ARID5B: variants seen among roughly 807,000 people sequenced by gnomAD.
The protein encoded by ARID5B is AT-rich interaction domain 5B.
Under a neutral mutation model 97.2 loss-of-function variants are expected in ARID5B, and 13 were observed. That is an observed-to-expected ratio of 0.13 (90% CI 0.09 to 0.21). The LOEUF is 0.21. Among genes scored for constraint, ARID5B ranks in the 10% least tolerant of loss-of-function variants. The pLI, the probability that ARID5B is intolerant of heterozygous loss-of-function variation, is 1.00. For synonymous variants in ARID5B, 556 were observed against 570.3 expected, an observed-to-expected ratio of 0.97 and a Z score of 0.36; for missense variants, 1,210 against 1,465.3, an observed-to-expected ratio of 0.83 and a Z score of 2.84.
intron 3 of ARID5B, among the ~76,000 whole-genome samples, chr10:61,985,809 A>G (rs1838839283): frequency 6.6e-6 from 1 of 152,044 alleles, no homozygotes; most frequent in African/African-American, 2.4e-5. Flanking sequence ...AAATAATAAT[A>G]CCATTGTCTT....
At chr10:62,056,367 A>T (rs1366191794) in intron 5 of ARID5B, among the ~76,000 whole-genome samples, 1 of 152,190 alleles carries the variant, frequency 6.6e-6, no homozygotes, top group Non-Finnish European at 1.5e-5. Flanking sequence ...AGAAGCCCTC[A>T]TTAAACAGTG....
chr10:61,939,071 A>G (rs1245691834), intron 2 of ARID5B, among the ~76,000 whole-genome samples: 2 of 151,538 alleles, frequency 1.3e-5, no homozygotes, highest in African/African-American at 4.8e-5. Context: ...TTTAACAGCA[A>G]AATTAGCCAA....
At chr10:62,036,770 T>C (rs1839570523) in intron 4 of ARID5B, among the ~76,000 whole-genome samples, 1 of 152,162 alleles carries the variant, frequency 6.6e-6, no homozygotes, top group African/African-American at 2.4e-5. Flanking sequence ...GCTGATCTCA[T>C]GCAACAGAAA....
chr10:62,078,147 AT>A (rs1463449679), intron 8 of ARID5B, among the ~76,000 whole-genome samples: 1 of 152,194 alleles, frequency 6.6e-6, no homozygotes, highest in Non-Finnish European at 1.5e-5. Flanking sequence ...CTATTTTTAT[AT>A]TTTGACACTG....
intron 8 of ARID5B, among the ~76,000 whole-genome samples, chr10:62,079,029 C>G (rs1311533000): frequency 6.6e-6 from 1 of 152,102 alleles, no homozygotes; most frequent in Non-Finnish European, 1.5e-5. Flanking sequence ...GGAGGTTGAC[C>G]CTTTGTGGAA....
Position 62,086,709 on chromosome 10 carries a change from A to AAC in ARID5B, c.1398+810_1398+811insCA, listed in dbSNP as rs1840288491. On this transcript the variant is annotated intron_variant, in intron 9 of 9. Coordinates refer to ENST00000279873, the MANE Select transcript of ARID5B (RefSeq NM_032199.3). Reference sequence around the variant, plus strand: ...CCATCTCAAAAAAAAAAAAAAAAAAAAAATATCAGGCATGGTGGTGCCCCG... The same window carrying AAC: ...CCATCTCAAAAAAAAAAAAAAAAAAAACAAATATCAGGCATGGTGGTGCCCCG... Among the ~76,000 whole-genome samples the AAC allele has an allele frequency of 7.0e-5, 8 of 113,978 alleles. 1 individual carries two copies. The highest frequency in any genetic ancestry group is 9.0e-5 in the Non-Finnish European group (5 of 55,510). The allele number at this position is 113,978 out of a possible 152,430, so 74.8% of individuals were successfully genotyped here.
intron 4 of ARID5B, among the ~76,000 whole-genome samples, chr10:62,041,541 G>A (rs1001414613): frequency 6.6e-6 from 1 of 152,162 alleles, no homozygotes; most frequent in East Asian, 1.9e-4. Context: ...CTTTTTAAAA[G>A]AATTGGGAGC....
intron 2 of ARID5B, among the ~76,000 whole-genome samples, chr10:61,906,616 G>A (rs1415398810): frequency 6.6e-6 from 1 of 152,136 alleles, no homozygotes; most frequent in East Asian, 1.9e-4. Flanking sequence ...TCAAGATCAG[G>A]CATACCTGGA....
At chr10:61,925,495 G>GA (rs1160748027) in intron 2 of ARID5B, among the ~76,000 whole-genome samples, 1 of 152,114 alleles carries the variant, frequency 6.6e-6, no homozygotes, top group African/African-American at 2.4e-5. Flanking sequence ...TTTGGCCAGA[G>GA]AAAAAGTAGG....
chr10:61,974,511 T>A (rs936527460), intron 3 of ARID5B, among the ~76,000 whole-genome samples: 1 of 152,236 alleles, frequency 6.6e-6, no homozygotes, highest in Non-Finnish European at 1.5e-5. Flanking sequence ...ATTTCACTAT[T>A]TTTCCATATT....
chr10:62,028,966 A>G (rs1309408235), intron 4 of ARID5B, among the ~76,000 whole-genome samples: 1 of 152,066 alleles, frequency 6.6e-6, no homozygotes, highest in Non-Finnish European at 1.5e-5. Flanking sequence ...CAAAAAAAAA[A>G]AAAAAAAAGC....
chr10:61,915,089 G>C (rs974158905), intron 2 of ARID5B, among the ~76,000 whole-genome samples: 1 of 152,206 alleles, frequency 6.6e-6, no homozygotes, highest in Non-Finnish European at 1.5e-5. Flanking sequence ...CTGATACCCA[G>C]ATAATAGTAA....
chr10:62,019,610 T>C (rs1839328481), intron 4 of ARID5B, among the ~76,000 whole-genome samples: 1 of 152,254 alleles, frequency 6.6e-6, no homozygotes, highest in Admixed American at 6.5e-5. Flanking sequence ...TATTATTATG[T>C]ATCCCATGTC....
At chr10:62,045,903 G>A (rs760272729) in intron 4 of ARID5B, among the ~76,000 whole-genome samples, 15 of 152,252 alleles carry the variant, frequency 9.9e-5, no homozygotes, top group South Asian at 4.1e-4. Flanking sequence ...AAAGACACAC[G>A]CAACTTGCAA....
chr10:61,902,241 T>C lies in ARID5B; in HGVS notation c.104T>C (p.Ile35Thr). Residue 35 changes from isoleucine (I) to threonine (T), a missense_variant, in exon 2 of 10, where the codon ATT (isoleucine) becomes ACT (threonine). Ile to Thr is a moderately conservative substitution (Grantham distance 89). Around this residue, in one of 8 missense-constraint regions of ARID5B, gnomAD observed 80 missense variants for 133.2 expected, o/e 0.60. Transcript: ENST00000279873. ...FQFHLEGKPR[I>T]LSLGDFFFVR... ...TTCCACCTTGAAGGCAAACCAAGAA[T>C]TTTGTCCCTTGGCGACTTTTTCTTT... is the stretch of plus-strand genomic sequence containing the variant. The C allele has an allele frequency of 6.2e-7, 1 of 1,614,070 alleles. No individual in the cohort carries two copies. Among genetic ancestry groups the C allele is most frequent in the Non-Finnish European group, 8.5e-7 (1 of 1,180,032 alleles).
Position 62,000,444 on chromosome 10 carries a change from C to G in ARID5B, c.733+123C>G, listed in dbSNP as rs1839061661. 1 of 811,498 alleles carries G rather than the reference C, an allele frequency of 1.2e-6. No individual in the cohort carries two copies. Among genetic ancestry groups the G allele is most frequent in the Non-Finnish European group, 1.9e-6 (1 of 525,832 alleles). 50.3% of individuals were successfully genotyped at this position (811,498 alleles called of 1,614,324 possible). ...TTCACAAGCCCCATGTGCTGCCCCA[C>G]CCCTCCCATCCCCCAAATTATTGCG... On this transcript the variant is annotated intron_variant, in intron 4 of 9. Coordinates refer to ENST00000279873, the MANE Select transcript of ARID5B (RefSeq NM_032199.3). The surrounding 1 kb of genome is among the most constrained non-coding windows in gnomAD (Gnocchi z 4.4).
chr10:62,090,179 A>G (rs890695620), intron 9 of ARID5B, among the ~76,000 whole-genome samples: 3 of 152,206 alleles, frequency 2.0e-5, no homozygotes, highest in African/African-American at 7.2e-5. Flanking sequence ...TTGGGCTTTA[A>G]TAGAAATGTA....
chr10:61,920,424 G>C (rs1843993732), intron 2 of ARID5B, among the ~76,000 whole-genome samples: 1 of 151,872 alleles, frequency 6.6e-6, no homozygotes, highest in Non-Finnish European at 1.5e-5. Flanking sequence ...CCGCCTCCTG[G>C]GTTCAAGCGA....
chr10:62,046,843 A>G (rs1157960185), intron 4 of ARID5B: 1 of 152,124 alleles, frequency 6.6e-6, no homozygotes, highest in African/African-American at 2.4e-5. Flanking sequence ...AGGGGACCCC[A>G]CTCGCTGTCA....
Sources: gnomAD v4.1 joint callset for allele counts (sites outside exome capture counted in the v4.1 genomes callset) on GRCh38, gnomAD v4.1.1 for gene constraint, gnomAD v4.1.1 regional missense constraint, Gnocchi (gnomAD v3.1) non-coding constraint, MANE v1.5 for transcripts, NCBI Gene and HGNC (gene_info 2026-07-23, HGNC 2026-07-21) for gene names.